The following SYTL4 variants were observed in gnomAD, a reference collection of about 807,000 sequenced individuals.
SYTL4 encodes the protein synaptotagmin-like protein 4.
SYTL4 carries 16 observed loss-of-function variants against 52.7 expected under a neutral mutation model. The ratio of observed to expected loss-of-function variants is 0.30; its 90% CI spans 0.21 to 0.46. SYTL4 has a LOEUF of 0.46. Among genes scored for constraint, SYTL4 ranks in the 20% least tolerant of loss-of-function variants. The pLI, the probability that SYTL4 is intolerant of heterozygous loss-of-function variation, is 1.00. For missense variants in SYTL4, 423 were observed against 519.9 expected, an observed-to-expected ratio of 0.81 and a Z score of 1.81; for synonymous variants, 160 against 186.6, an observed-to-expected ratio of 0.86 and a Z score of 1.16.
intron 19 of SYTL4, among the ~76,000 whole-genome samples, chrX:100,677,950 T>C (rs1192285100): frequency 1.8e-5 from 2 of 111,694 alleles, no homozygotes; most frequent in Non-Finnish European, 3.8e-5. Flanking sequence ...TATTCACCCC[T>C]GGTAGGTAGG....
intron 19 of SYTL4, 140 bp from the exon 20 acceptor site, chrX:100,676,316 C>T: frequency 1.7e-6 from 1 of 587,428 alleles, no homozygotes; most frequent in South Asian, 3.1e-5. Context: ...CTGGGAAGTG[C>T]TCCCTCACCT....
intron 12 of SYTL4, among the ~76,000 whole-genome samples, chrX:100,689,002 TC>T (rs1163861802): frequency 6.3e-5 from 7 of 111,255 alleles, no homozygotes; most frequent in African/African-American, 2.3e-4. Flanking sequence ...CATTTGACTT[TC>T]CCCAACCCTG....
Position 100,674,578 on chromosome X carries a change from G to A in SYTL4, c.*1450C>T, listed in dbSNP as rs1202159389. 1 of 112,235 alleles carries A rather than the reference G, an allele frequency of 8.9e-6. No individual in the cohort carries two copies. Among genetic ancestry groups the A allele is most frequent in the Non-Finnish European group, 1.9e-5 (1 of 53,209 alleles). The allele number at this position is 112,235 out of a possible 1,213,427, so 9.2% of individuals were successfully genotyped here. On this transcript the variant is annotated 3_prime_UTR_variant, in exon 20 of 20. Transcript: ENST00000372989. ...AGCAAGTTACAGCCCGGGATCCCAA[G>A]TTATGCCTTCCATTACAATTGCAAT...
chrX:100,686,876 G>A (rs2083483488), intron 14 of SYTL4, 95 bp from the exon 15 acceptor site: 2 of 852,869 alleles, frequency 2.3e-6, no homozygotes, highest in Non-Finnish European at 3.4e-6. Flanking sequence ...ATGGTGACAT[G>A]TGATGTCAAA....
rs1195797901 is a variant in SYTL4 at position 100,675,889 on chromosome X, TACACATAC to T, written c.*131_*138del. On this transcript the variant is annotated 3_prime_UTR_variant, in exon 20 of 20. Coordinates refer to ENST00000372989, the MANE Select transcript of SYTL4 (RefSeq NM_001370165.1). ...GAGATTTGCAGAAAATACATGTTTG[TACACATAC>T]ACACACACACACACACACACACATA... is the stretch of plus-strand genomic sequence containing the variant. 15 of 401,572 alleles carry T rather than the reference TACACATAC, an allele frequency of 3.7e-5. No individual in the cohort carries two copies. The highest frequency in any genetic ancestry group is 3.7e-4 in the South Asian group (6 of 16,383). 33.1% of individuals were successfully genotyped at this position (401,572 alleles called of 1,213,427 possible).
intron 8 of SYTL4, 150 bp from the exon 9 acceptor site, chrX:100,691,359 T>G: frequency 2.9e-5 from 11 of 382,873 alleles, no homozygotes; most frequent in Non-Finnish European, 2.7e-5. Flanking sequence ...ATTAATTAAT[T>G]AAGAAATAAG....
intron 9 of SYTL4, 86 bp from the exon 10 acceptor site, chrX:100,690,724 C>T: frequency 1.4e-6 from 1 of 718,293 alleles, no homozygotes; most frequent in Non-Finnish European, 2.1e-6. Context: ...GAAGGAGAGC[C>T]AATGGCTTGG....
intron 8 of SYTL4, among the ~76,000 whole-genome samples, chrX:100,698,307 G>A (rs2083755132): frequency 9.0e-6 from 1 of 110,783 alleles, no homozygotes; most frequent in Non-Finnish European, 1.9e-5. Flanking sequence ...GTTTCACCGT[G>A]TTAGCCAGGA....
intron 2 of SYTL4, among the ~76,000 whole-genome samples, chrX:100,719,757 A>T (rs760988139): frequency 9.0e-6 from 1 of 111,626 alleles, no homozygotes; most frequent in Non-Finnish European, 1.9e-5. Context: ...TCTTAGAATC[A>T]TATGTGGGGA....
At chrX:100,694,049 T>A (rs767328386) in intron 8 of SYTL4, among the ~76,000 whole-genome samples, 4 of 112,168 alleles carry the variant, frequency 3.6e-5, no homozygotes, top group African/African-American at 1.3e-4. Flanking sequence ...TTAATGGCTA[T>A]CGGGTTTCTA....
intron 2 of SYTL4, among the ~76,000 whole-genome samples, chrX:100,724,179 T>A (rs1226066097): frequency 1.2e-5 from 1 of 82,329 alleles, no homozygotes; most frequent in Non-Finnish European, 2.3e-5. Context: ...AGCCGCCCCG[T>A]CCGGGAGGGA....
intron 2 of SYTL4, among the ~76,000 whole-genome samples, chrX:100,724,246 G>T (rs1342093172): frequency 1.9e-5 from 2 of 103,894 alleles, no homozygotes; most frequent in Non-Finnish European, 4.0e-5. Flanking sequence ...GGAGGGAGGT[G>T]GGGGGGGTCA....
intron 8 of SYTL4, among the ~76,000 whole-genome samples, chrX:100,691,785 G>A (rs145076171): frequency 0.013 from 1,406 of 111,387 alleles, 19 homozygotes; most frequent in African/African-American, 0.043. Context: ...TGATCCGCCT[G>A]CCTCGGCCTC....
In SYTL4 at chrX:100,690,096, T is replaced by G. The variant is rs2083564230; in HGVS notation, c.787A>C (p.Arg263=). The stretch of plus-strand genomic sequence containing the variant: ...TTACCTGAAGGCCTGAGGATTTTTC[T>G]GGTGTTCTTCTTAAATATCATCTCA... ...EGEMIFKKNT[R]KILRPSEYTK... is the part of the protein sequence containing the mutation. Residue 263 remains arginine, a synonymous_variant, in exon 11 of 20, where the codon AGA becomes CGA. Coordinates refer to ENST00000372989, the MANE Select transcript of SYTL4 (RefSeq NM_001370165.1). 11 of 1,210,867 alleles carry G rather than the reference T, an allele frequency of 9.1e-6. No homozygotes were observed. Among genetic ancestry groups the G allele is most frequent in the Non-Finnish European group, 1.2e-5 (11 of 894,733 alleles).
At chrX:100,706,755 C>G (rs1471618912) in intron 2 of SYTL4, among the ~76,000 whole-genome samples, 1 of 111,211 alleles carries the variant, frequency 9.0e-6, no homozygotes, top group African/African-American at 3.3e-5. Context: ...TTATGAGAGA[C>G]ACATCTAAAA....
At chrX:100,678,069 T>C (rs984409013) in intron 19 of SYTL4, among the ~76,000 whole-genome samples, 1 of 111,261 alleles carries the variant, frequency 9.0e-6, no homozygotes, top group African/African-American at 3.3e-5. Flanking sequence ...GCAATGACCC[T>C]TCTTTCATTA....
chrX:100,710,681 CT>C (rs1256957482), intron 2 of SYTL4, among the ~76,000 whole-genome samples: 6 of 112,055 alleles, frequency 5.4e-5, no homozygotes, highest in South Asian at 3.7e-4. Flanking sequence ...AAGGTGAGCC[CT>C]TTGATTTTCC....
chrX:100,679,291 T>TG (rs767810291), intron 18 of SYTL4, 22 bp downstream of exon 18: 11 of 1,136,800 alleles, frequency 9.7e-6, no homozygotes, highest in Non-Finnish European at 1.2e-5. Flanking sequence ...CTGGTTAATT[T>TG]GGGGCTGGTC....
rs777126653 is a variant in SYTL4 at position 100,698,293 on chromosome X, C to T, written c.539+2604G>A. Among the ~76,000 whole-genome samples, 664 of 110,454 alleles carry T rather than the reference C, an allele frequency of 6.0e-3. 8 individuals are homozygous for T. The highest frequency in any genetic ancestry group is 0.02 in the African/African-American group (609 of 30,379). ...AATTTTTTTGTATTTTTATTAGAGA[C>T]GGGGTTTCACCGTGTTAGCCAGGAT... On this transcript the variant is annotated intron_variant, in intron 8 of 19. Transcript: ENST00000372989.
Sources: allele counts gnomAD v4.1 joint callset (sites outside exome capture counted in the v4.1 genomes callset), GRCh38; gene constraint gnomAD v4.1.1; transcripts MANE v1.5; gene names NCBI Gene and HGNC (gene_info 2026-07-23, HGNC 2026-07-21).